Variants in LRFN3 observed in about 807,000 individuals in gnomAD.
LRFN3 encodes leucine-rich repeat and fibronectin type-III domain-containing protein 3.
In LRFN3, 8 loss-of-function variants were observed where a neutral mutation model predicts 23.8. The ratio of observed to expected loss-of-function variants is 0.34; its 90% confidence interval spans 0.20 to 0.61. LRFN3 has a LOEUF of 0.61. LRFN3 is among the 20% of genes least tolerant of loss of function. LRFN3 has a pLI of 0.80. For missense variants in LRFN3, 736 were observed against 935.3 expected, an observed-to-expected ratio of 0.79 and a Z score of 2.78; for synonymous variants, 451 against 450.6, an observed-to-expected ratio of 1.00 and a Z score of -0.01.
chr19:35,943,659 G>A (rs1331686202), intron 2 of LRFN3, among the ~76,000 whole-genome samples: 1 of 152,054 alleles, frequency 6.6e-6, no homozygotes, highest in Non-Finnish European at 1.5e-5. Flanking sequence ...GGTAAAATGT[G>A]GGGGAAATTG....
At position 35,940,709 on chromosome 19, in the gene LRFN3, C is replaced by T. The variant is rs911464312; in HGVS notation, c.1284C>T (p.Asp428=). 3 of 1,613,372 alleles carry T rather than the reference C, an allele frequency of 1.9e-6. No individual in the cohort carries two copies. The African/African-American group carries it at 4.0e-5, about 22-fold the overall frequency. The part of the protein sequence containing the change: ...AKVADTGPPT[D]RGVQVTEHGA... The stretch of plus-strand genomic sequence containing the variant: ...TGGCCGACACTGGGCCCCCTACCGA[C>T]CGTGGCGTCCAGGTGACTGAGCACG... Residue 428 remains aspartate (D), a synonymous_variant, in exon 2 of 3, where the codon GAC becomes GAT. Transcript: ENST00000246529.
rs1403021178 is a variant in LRFN3 at position 35,936,600 on chromosome 19, C to G, written c.-972C>G. 1.3e-5 allele frequency: 2 copies of G among 152,344 alleles called. No individual in the cohort carries two copies. Among genetic ancestry groups the G allele is most frequent in the African/African-American group, 2.4e-5 (1 of 41,392 alleles). 9.4% of individuals were successfully genotyped at this position (152,344 alleles called of 1,614,324 possible). On this transcript the variant is annotated 5_prime_UTR_variant, in exon 1 of 3. Transcript: ENST00000246529. ...CCTCCGCTCCCAGGCCTCGCCCCAC[C>G]CGGCCCTGGGGCTGCCCGGTCGCCC... is the stretch of plus-strand genomic sequence containing the variant.
At chr19:35,943,941 TAAG>T (rs777970568) in intron 2 of LRFN3, among the ~76,000 whole-genome samples, 8 of 151,984 alleles carry the variant, frequency 5.3e-5, no homozygotes, top group Non-Finnish European at 1.0e-4. Context: ...TCCCAACACT[TAAG>T]GAGGCCAAGG....
chr19:35,940,129 G>A lies in LRFN3; in HGVS notation c.704G>A (p.Arg235Gln), dbSNP rs376226745. 2.9e-5 allele frequency: 46 copies of A among 1,610,982 alleles called. No individual in the cohort carries two copies. Among genetic ancestry groups the A allele is most frequent in the African/African-American group, 1.1e-4 (8 of 75,022 alleles). Residue 235 changes from arginine to glutamine, a missense_variant, in exon 2 of 3, where the codon CGG becomes CAG. Coordinates refer to ENST00000246529, the MANE Select transcript of LRFN3 (RefSeq NM_024509.2). The stretch of plus-strand genomic sequence containing the variant: ...CGCCTGCCCCTGCTCGCCAGGCCCC[G>A]GGGCTCGCCCGCCTCTGCCCTGGTG... ...FSRLPLLARP[R>Q]GSPASALVLA...
At position 35,945,930 on chromosome 19, in the gene LRFN3, G is replaced by T. The variant is rs912181412; in HGVS notation, c.*911G>T. Among the ~76,000 whole-genome samples the T allele has an allele frequency of 2.0e-5, 3 of 152,092 alleles. No individual in the cohort carries two copies. The highest frequency in any genetic ancestry group is 7.3e-5 in the African/African-American group (3 of 41,374). On this transcript the variant is annotated 3_prime_UTR_variant, in exon 3 of 3. Coordinates refer to ENST00000246529, the MANE Select transcript of LRFN3 (RefSeq NM_024509.2). ...GAGCCCCAGGGGAAGCTGGGGCAGG[G>T]ACCTGGGTGGGTGAGGACGAAGTTG...
rs747484527 is a variant in LRFN3, at chr19:35,939,180, G to A, written c.-16-230G>A. Among the ~76,000 whole-genome samples, 2 of 152,124 alleles carry A rather than the reference G, an allele frequency of 1.3e-5. No homozygotes were observed. The highest frequency in any genetic ancestry group is 2.9e-5 in the Non-Finnish European group (2 of 68,024). ...ACGGTCTCACTTTGTTGCCCAGGCT[G>A]GTCTTGAACTCCTGGCCTCAAGCCA... On this transcript the variant is annotated intron_variant, in intron 1 of 2. Transcript: ENST00000246529. This position sits in a 1 kb window ranked among gnomAD's most constrained non-coding sequence, Gnocchi z 6.4.
chr19:35,938,253 AACTG>A (rs57030668), intron 1 of LRFN3, among the ~76,000 whole-genome samples: 6,226 of 151,054 alleles, frequency 0.041, 299 homozygotes, highest in East Asian at 0.12. Context: ...CCCAGTCTGC[AACTG>A]TCTGACCATC....
Position 35,944,589 on chromosome 19 carries a change from TGGCGTCA to T in LRFN3, c.1461_1467del (p.Ser488GlyfsTer50). 1 of 1,485,800 alleles carries T rather than the reference TGGCGTCA, an allele frequency of 6.7e-7. No homozygotes were observed. Among genetic ancestry groups the T allele is most frequent in the Non-Finnish European group, 8.9e-7 (1 of 1,123,260 alleles). 92.0% of individuals were successfully genotyped at this position (1,485,800 alleles called of 1,614,324 possible). A position where few individuals can be genotyped will look rare whatever the true frequency, so the allele number is the denominator to read the frequency against. On this transcript the variant is annotated frameshift_variant, in exon 3 of 3. Transcript: ENST00000246529. LOFTEE classifies it low-confidence loss of function (END_TRUNC). The surrounding 1 kb of genome is among the most constrained non-coding windows in gnomAD (Gnocchi z 4.5). ...AGCCGCTCGTTCCTGCTGACGGACC[TGGCGTCA>T]GGCCGGACCTACGATCTGTGCGTGC...
chr19:35,944,625 C>T lies in LRFN3; in HGVS notation c.1493C>T (p.Ala498Val). 6.4e-7 allele frequency: 1 copy of T among 1,564,772 alleles called. No individual in the cohort carries two copies. Residue 498 changes from alanine to valine, a missense_variant, in exon 3 of 3, where the codon GCC becomes GTC. Coordinates refer to ENST00000246529, the MANE Select transcript of LRFN3 (RefSeq NM_024509.2). This position sits in a 1 kb window ranked among gnomAD's most constrained non-coding sequence, Gnocchi z 4.5. ...SGRTYDLCVL[A>V]VYEDSATGLT... ...CGGACCTACGATCTGTGCGTGCTCGCCGTGTATGAGGACAGCGCCACGGGG... is the reference window on the plus strand; with the variant it reads ...CGGACCTACGATCTGTGCGTGCTCGTCGTGTATGAGGACAGCGCCACGGGG...
intron 2 of LRFN3, among the ~76,000 whole-genome samples, chr19:35,943,078 G>T (rs1404815175): frequency 6.6e-6 from 1 of 151,924 alleles, no homozygotes; most frequent in Non-Finnish European, 1.5e-5. Context: ...TGCCAGGTGG[G>T]GAATGGGATG....
rs1976154967 is a variant in LRFN3 at position 35,944,607 on chromosome 19, A to G, written c.1475A>G (p.Tyr492Cys). Residue 492 changes from tyrosine to cysteine, a missense_variant, in exon 3 of 3, where the codon TAC (tyrosine) becomes TGC (cysteine). Tyr to Cys is a radical substitution (Grantham distance 194). Around this residue, in one of 2 missense-constraint regions of LRFN3, gnomAD observed 290 missense variants for 287.4 expected, o/e 1.01. Transcript: ENST00000246529. This position sits in a 1 kb window ranked among gnomAD's most constrained non-coding sequence, Gnocchi z 4.5. ...LLTDLASGRT[Y>C]DLCVLAVYED... ...ACGGACCTGGCGTCAGGCCGGACCT[A>G]CGATCTGTGCGTGCTCGCCGTGTAT... 1.3e-6 allele frequency: 2 copies of G among 1,515,938 alleles called. No homozygotes were observed. Among genetic ancestry groups the G allele is most frequent in the Non-Finnish European group, 1.8e-6 (2 of 1,137,256 alleles). The allele number at this position is 1,515,938 out of a possible 1,614,324, so 93.9% of individuals were successfully genotyped here.
Position 35,944,525 on chromosome 19 carries a change from A to AC in LRFN3, c.1416-18dup, listed in dbSNP as rs780672987. ...TGGGGGCTGGGCAGCCTGAGACCTGACCCCCACCTGCCTGCCCTGCAGGAT... is the reference window on the plus strand; with the variant it reads ...TGGGGGCTGGGCAGCCTGAGACCTGACCCCCCACCTGCCTGCCCTGCAGGAT... On this transcript the variant is annotated intron_variant, in intron 2 of 2. Transcript: ENST00000246529. The surrounding 1 kb of genome is among the most constrained non-coding windows in gnomAD (Gnocchi z 4.5). 7.1e-7 allele frequency: 1 copy of AC among 1,409,794 alleles called. No individual in the cohort carries two copies. Among genetic ancestry groups the AC allele is most frequent in the African/African-American group, 1.5e-5 (1 of 67,354 alleles). The allele number at this position is 1,409,794 out of a possible 1,614,324, so 87.3% of individuals were successfully genotyped here. A position where few individuals can be genotyped will look rare whatever the true frequency, so the allele number is the denominator to read the frequency against.
Position 35,944,782 on chromosome 19 carries a change from G to C in LRFN3, c.1650G>C (p.Ser550=), listed in dbSNP as rs759246987. The C allele has an allele frequency of 3.1e-6, 5 of 1,611,224 alleles. No homozygotes were observed. The highest frequency in any genetic ancestry group is 4.2e-6 in the Non-Finnish European group (5 of 1,179,178). The change falls in exon 3 of 3, where the codon TCG becomes TCC. Residue 550 remains serine (S), a synonymous_variant. Transcript: ENST00000246529. This position sits in a 1 kb window ranked among gnomAD's most constrained non-coding sequence, Gnocchi z 4.5. ...CGCTGGGCGGCGTCATCGTAGCCTC[G>C]GTACTGGTCTTCATCTTCGTGCTGC... The part of the protein sequence containing the change: ...IIALGGVIVA[S]VLVFIFVLLM...
chr19:35,943,207 C>G (rs1043008042), intron 2 of LRFN3, among the ~76,000 whole-genome samples: 1 of 151,838 alleles, frequency 6.6e-6, no homozygotes, highest in Non-Finnish European at 1.5e-5. Flanking sequence ...GGGTGCCCAA[C>G]TACAAAAGAA....
At chr19:35,943,988 G>T (rs932114471) in intron 2 of LRFN3, among the ~76,000 whole-genome samples, 6 of 152,178 alleles carry the variant, frequency 3.9e-5, no homozygotes, top group African/African-American at 1.4e-4. Context: ...CCAGGAGTTT[G>T]AGACCAGCCT....
At chr19:35,942,978 G>A (rs1397950156) in intron 2 of LRFN3, among the ~76,000 whole-genome samples, 3 of 151,344 alleles carry the variant, frequency 2.0e-5, no homozygotes, top group Non-Finnish European at 2.9e-5. Context: ...GCAGTGAGCC[G>A]AGGCTGTGCC....
At position 35,940,647 on chromosome 19, in the gene LRFN3, C is replaced by T; in HGVS notation, c.1222C>T (p.Leu408Phe). ...CCCGCGGGACGGGGATCCTGATGCTCTCACCCCACCCTCCGCTGCCTCTGC... is the reference window on the plus strand; with the variant it reads ...CCCGCGGGACGGGGATCCTGATGCTTTCACCCCACCCTCCGCTGCCTCTGC... Reference protein sequence around the residue: ...DPPRDGDPDALTPPSAASASA... With the variant: ...DPPRDGDPDAFTPPSAASASA... Residue 408 changes from leucine to phenylalanine, a missense_variant, in exon 2 of 3, where the codon CTC (leucine) becomes TTC (phenylalanine). Physicochemically the swap from Leu to Phe is conservative, Grantham distance 22. Transcript: ENST00000246529. 1.2e-6 allele frequency: 2 copies of T among 1,611,928 alleles called. No homozygotes were observed. Among genetic ancestry groups the T allele is most frequent in the African/African-American group, 2.7e-5 (2 of 75,048 alleles).
Position 35,944,708 on chromosome 19 carries a change from C to T in LRFN3, c.1576C>T (p.Pro526Ser). Residue 526 changes from proline to serine, a missense_variant, in exon 3 of 3, where the codon CCA becomes TCA. Pro to Ser is a moderately conservative substitution (Grantham distance 74). Coordinates refer to ENST00000246529, the MANE Select transcript of LRFN3 (RefSeq NM_024509.2). This position sits in a 1 kb window ranked among gnomAD's most constrained non-coding sequence, Gnocchi z 4.5. ...CTTCTCCACCGAACCTGCGCTGCGG[C>T]CATGCGGGGCGCCGCACGCTCCCTT... The part of the protein sequence containing the change: ...ARFSTEPALR[P>S]CGAPHAPFLG... The T allele has an allele frequency of 6.2e-7, 1 of 1,604,136 alleles. No homozygotes were observed. Among genetic ancestry groups the T allele is most frequent in the South Asian group, 1.1e-5 (1 of 89,704 alleles).
chr19:35,942,437 C>T (rs1177664569), intron 2 of LRFN3, among the ~76,000 whole-genome samples: 1 of 152,226 alleles, frequency 6.6e-6, no homozygotes, highest in Admixed American at 6.6e-5. Context: ...GTTGACACCT[C>T]TTACCAAAGT....
Sources: gnomAD v4.1 joint callset for allele counts (sites outside exome capture counted in the v4.1 genomes callset) on GRCh38, gnomAD v4.1.1 for gene constraint, gnomAD v4.1.1 regional missense constraint, Gnocchi (gnomAD v3.1) non-coding constraint, MANE v1.5 for transcripts, NCBI Gene and HGNC (gene_info 2026-07-23, HGNC 2026-07-21) for gene names.